The following COP1 variants were observed in gnomAD, a reference collection of about 807,000 sequenced individuals.
COP1 encodes the protein COP1 E3 ubiquitin ligase.
Under a neutral mutation model 101.3 loss-of-function variants are expected in COP1, and 24 were observed. That is an observed-to-expected ratio of 0.24 (90% CI 0.17 to 0.33). The LOEUF is 0.33. COP1 is among the 10% of genes least tolerant of loss of function. The probability of loss-of-function intolerance (pLI) is 1.00; values close to 1 mark genes in which losing one functional copy is unlikely to be tolerated. For missense variants in COP1, 663 were observed against 906.2 expected, an observed-to-expected ratio of 0.73 and a Z score of 3.45; for synonymous variants, 347 against 341.9, an observed-to-expected ratio of 1.01 and a Z score of -0.17.
chr1:176,048,159 C>T (rs1671835470), intron 11 of COP1, among the ~76,000 whole-genome samples: 1 of 150,154 alleles, frequency 6.7e-6, no homozygotes, highest in Non-Finnish European at 1.5e-5. Flanking sequence ...TTAAATGCTT[C>T]CTTAATTTTA....
rs139663373 is a variant in COP1 at position 176,163,307 on chromosome 1, G to A, written c.643-319C>T. 9.5e-4 allele frequency among the ~76,000 whole-genome samples: 145 copies of A among 152,294 alleles called. 1 individual carries two copies. Among genetic ancestry groups the A allele is most frequent in the African/African-American group, 3.1e-3 (128 of 41,570 alleles). Reference sequence around the variant, plus strand: ...AGCCATATTTTCAATTTTGCATGTAGTAAGGTATTAAGCTCATTTGCCTCC... The same window carrying A: ...AGCCATATTTTCAATTTTGCATGTAATAAGGTATTAAGCTCATTTGCCTCC... On this transcript the variant is annotated intron_variant, in intron 4 of 19. Transcript: ENST00000367669.
chr1:176,176,024 A>G lies in COP1; in HGVS notation c.468-17T>C, dbSNP rs780685860. The G allele has an allele frequency of 1.3e-4, 146 of 1,145,610 alleles. No homozygotes were observed. The highest frequency in any genetic ancestry group is 2.5e-4 in the South Asian group (18 of 71,434). The allele number at this position is 1,145,610 out of a possible 1,614,324, so 71.0% of individuals were successfully genotyped here. Reference sequence around the variant, plus strand: ...CACTTGTAGCTATTAGTAGGGGGGGAAAAAAAAGGCTTAATTAAATCAATG... The same window carrying G: ...CACTTGTAGCTATTAGTAGGGGGGGGAAAAAAAGGCTTAATTAAATCAATG... On this transcript the variant is annotated splice_polypyrimidine_tract_variant and intron_variant, in intron 2 of 19. Transcript: ENST00000367669.
At chr1:175,992,560 G>C (rs569500953) in intron 15 of COP1, among the ~76,000 whole-genome samples, 1 of 152,188 alleles carries the variant, frequency 6.6e-6, no homozygotes, top group African/African-American at 2.4e-5. Context: ...GCGCTTTACC[G>C]ACAGGCTTAA....
At chr1:176,118,324 A>G (rs992976532) in intron 8 of COP1, among the ~76,000 whole-genome samples, 10 of 152,246 alleles carry the variant, frequency 6.6e-5, no homozygotes, top group Non-Finnish European at 1.5e-4. Context: ...AAAATAAATC[A>G]TATGAATCTG....
At chr1:176,105,546 G>A (rs560468029) in intron 9 of COP1, among the ~76,000 whole-genome samples, 2 of 152,120 alleles carry the variant, frequency 1.3e-5, no homozygotes, top group African/African-American at 4.8e-5. Context: ...TTTTGATCGT[G>A]ACAGCTAGGT....
chr1:176,180,451 C>G (rs1195595227), intron 2 of COP1, among the ~76,000 whole-genome samples: 1 of 152,124 alleles, frequency 6.6e-6, no homozygotes, highest in Non-Finnish European at 1.5e-5. Flanking sequence ...TGCTCAACAA[C>G]AGGTGGGCAT....
chr1:175,952,810 C>T (rs777638960), intron 18 of COP1, among the ~76,000 whole-genome samples: 12 of 151,970 alleles, frequency 7.9e-5, no homozygotes, highest in Non-Finnish European at 1.2e-4. Flanking sequence ...CCAGCTACTC[C>T]GGAGGCTGAA....
chr1:176,108,430 T>A (rs7545685), intron 9 of COP1, among the ~76,000 whole-genome samples: 8,471 of 152,252 alleles, frequency 0.056, 271 homozygotes, highest in African/African-American at 0.077. Flanking sequence ...TACATAGTAC[T>A]TAGAATCATT....
chr1:176,078,978 C>A (rs1049411189), intron 11 of COP1, among the ~76,000 whole-genome samples: 1 of 151,840 alleles, frequency 6.6e-6, no homozygotes, highest in Admixed American at 6.6e-5. Context: ...ATTAAAAAGT[C>A]AAAAAATAAC....
intron 1 of COP1, among the ~76,000 whole-genome samples, chr1:176,192,334 T>C (rs1458962362): frequency 1.3e-5 from 2 of 152,120 alleles, no homozygotes; most frequent in African/African-American, 4.8e-5. Flanking sequence ...GGTGAAACAA[T>C]TAGGAGAATC....
At position 176,050,513 on chromosome 1, in the gene COP1, G is replaced by T. The variant is rs1266476799; in HGVS notation, c.1278-4189C>A. Among the ~76,000 whole-genome samples the T allele has an allele frequency of 3.3e-5, 5 of 152,152 alleles. No homozygotes were observed. In the South Asian group the frequency reaches 1.0e-3, roughly 32 times the overall value. ...TATAAAGTAAGAGCAGTTGTCAAAG[G>T]TCTCATTCTCATTCATTACCATGAT... On this transcript the variant is annotated intron_variant, in intron 11 of 19. Coordinates refer to ENST00000367669, the MANE Select transcript of COP1 (RefSeq NM_022457.7).
intron 9 of COP1, among the ~76,000 whole-genome samples, chr1:176,097,494 G>A (rs1429415574): frequency 6.6e-6 from 1 of 151,996 alleles, no homozygotes; most frequent in Non-Finnish European, 1.5e-5. Flanking sequence ...TGGCAATTGG[G>A]TTTTCTTCTG....
At chr1:176,080,981 G>A (rs561418852) in intron 11 of COP1, among the ~76,000 whole-genome samples, 171 bp downstream of exon 11, 85 of 152,174 alleles carry the variant, frequency 5.6e-4, no homozygotes, top group Admixed American at 1.6e-3. Flanking sequence ...CTTTAGAGAC[G>A]AAGAAATTTG....
At chr1:176,020,023 C>G (rs1053846390) in intron 15 of COP1, among the ~76,000 whole-genome samples, 1 of 152,104 alleles carries the variant, frequency 6.6e-6, no homozygotes, top group Non-Finnish European at 1.5e-5. Context: ...AGGTAAAGAT[C>G]CTGTTTAAAA....
intron 14 of COP1, among the ~76,000 whole-genome samples, chr1:176,042,275 A>AAG (rs1320332208): frequency 6.8e-6 from 1 of 148,002 alleles, no homozygotes; most frequent in African/African-American, 2.5e-5. Context: ...TATCTCAAAA[A>AAG]AAAAAAAAAA....
intron 11 of COP1, among the ~76,000 whole-genome samples, chr1:176,051,175 T>G (rs1234618134): frequency 1.3e-5 from 2 of 152,072 alleles, no homozygotes; most frequent in Non-Finnish European, 2.9e-5. Context: ...CAGGAGGCAA[T>G]GATTATTGGG....
At chr1:175,986,803 T>C in intron 18 of COP1, 140 bp downstream of exon 18, 2 of 592,528 alleles carry the variant, frequency 3.4e-6, no homozygotes, top group South Asian at 5.7e-5. Context: ...AAATGCCTAT[T>C]GTCTTTGGTG....
At chr1:176,018,196 C>A (rs1356393457) in intron 15 of COP1, among the ~76,000 whole-genome samples, 1 of 152,092 alleles carries the variant, frequency 6.6e-6, no homozygotes. Context: ...CTTACCAATC[C>A]ACAATAGATA....
intron 11 of COP1, among the ~76,000 whole-genome samples, chr1:176,061,621 C>T (rs1225146755): frequency 5.3e-5 from 8 of 151,432 alleles, no homozygotes; most frequent in East Asian, 1.9e-4. Flanking sequence ...AGTGAAACTC[C>T]GTCTCAAAAT....
Sources: gnomAD v4.1 joint callset for allele counts (sites outside exome capture counted in the v4.1 genomes callset) on GRCh38, gnomAD v4.1.1 for gene constraint, MANE v1.5 for transcripts, NCBI Gene and HGNC (gene_info 2026-07-23, HGNC 2026-07-21) for gene names.